Variants in BRSK1 observed in about 807,000 individuals in gnomAD.
The protein encoded by BRSK1 is BR serine/threonine kinase 1.
Under a neutral mutation model 86.2 loss-of-function variants are expected in BRSK1, and 17 were observed. The observed-to-expected ratio is 0.20, with a 90% CI of 0.14 to 0.30. The LOEUF (loss-of-function observed/expected upper bound fraction) is 0.30. Ranked by LOEUF, BRSK1 falls within the 10% of genes least tolerant of loss-of-function variation. The pLI, the probability that BRSK1 is intolerant of heterozygous loss-of-function variation, is 1.00. For synonymous variants in BRSK1, 464 were observed against 440.1 expected, an observed-to-expected ratio of 1.05 and a Z score of -0.68; for missense variants, 719 against 1,071.9, an observed-to-expected ratio of 0.67 and a Z score of 4.60.
intron 4 of BRSK1, 91 bp from the exon 5 acceptor site, chr19:55,293,926 A>G: frequency 8.8e-7 from 1 of 1,133,976 alleles, no homozygotes; most frequent in Non-Finnish European, 1.3e-6. Flanking sequence ...TCCAAAAAGT[A>G]TGCAGAAGTG....
Position 55,302,546 on chromosome 19 carries a change from G to A in BRSK1, c.858-151G>A. 9.9e-7 allele frequency: 1 copy of A among 1,014,796 alleles called. No homozygotes were observed. Among genetic ancestry groups the A allele is most frequent in the Non-Finnish European group, 1.4e-6 (1 of 691,318 alleles). 62.9% of individuals were successfully genotyped at this position (1,014,796 alleles called of 1,614,324 possible). A position where few individuals can be genotyped will look rare whatever the true frequency, so the allele number is the denominator to read the frequency against. On this transcript the variant is annotated intron_variant, in intron 9 of 18. Transcript: ENST00000309383. This position sits in a 1 kb window ranked among gnomAD's most constrained non-coding sequence, Gnocchi z 6.3. ...CTGGACTCCTGGGTCTGAGATGGGG[G>A]GCGAGGTCTGGGGCGTCTGGATTCC... is the stretch of plus-strand genomic sequence containing the variant.
chr19:55,312,040 T>C lies in BRSK1; in HGVS notation c.2309T>C (p.Leu770Pro). Residue 770 changes from leucine (L) to proline (P), a missense_variant, in exon 19 of 19, where the codon CTG becomes CCG. Physicochemically the swap from Leu to Pro is moderately conservative, Grantham distance 98. Around this residue, in one of 6 missense-constraint regions of BRSK1, gnomAD observed 82 missense variants for 72.6 expected, o/e 1.13. Coordinates refer to ENST00000309383, the MANE Select transcript of BRSK1 (RefSeq NM_032430.2). ...RRGPPKDKKLLATNGTPLP is the reference protein window; with the variant it reads ...RRGPPKDKKLPATNGTPLP ...GGCCCCCCCAAGGACAAGAAGCTCC[T>C]GGCCACCAACGGGACCCCTCTGCCC... The C allele has an allele frequency of 6.8e-6, 10 of 1,470,548 alleles. No homozygotes were observed. Among genetic ancestry groups the C allele is most frequent in the Non-Finnish European group, 9.0e-6 (10 of 1,107,592 alleles). The allele number at this position is 1,470,548 out of a possible 1,614,324, so 91.1% of individuals were successfully genotyped here.
chr19:55,287,870 C>T lies in BRSK1; in HGVS notation c.317+571C>T, dbSNP rs2088342369. ...ACTCCAGAGAATGGGCCTCTTTGTCCAAACTCTGGTGACCCAAAGGACAGC... is the reference window on the plus strand; with the variant it reads ...ACTCCAGAGAATGGGCCTCTTTGTCTAAACTCTGGTGACCCAAAGGACAGC... On this transcript the variant is annotated intron_variant, in intron 3 of 18. Transcript: ENST00000309383. This position sits in a 1 kb window ranked among gnomAD's most constrained non-coding sequence, Gnocchi z 5.3. The T allele has an allele frequency of 6.3e-6, 1 of 158,870 alleles. No homozygotes were observed. Among genetic ancestry groups the T allele is most frequent in the Non-Finnish European group, 1.4e-5 (1 of 71,214 alleles). 9.8% of individuals were successfully genotyped at this position (158,870 alleles called of 1,614,324 possible).
At chr19:55,289,672 G>C in intron 4 of BRSK1, 52 bp downstream of exon 4, 1 of 1,591,416 alleles carries the variant, frequency 6.3e-7, no homozygotes, top group South Asian at 1.1e-5. Flanking sequence ...CCAGCAGACA[G>C]GCCCTTGGGG....
In BRSK1 at chr19:55,287,327, C is replaced by T. The variant is rs1247883748; in HGVS notation, c.317+28C>T. On this transcript the variant is annotated intron_variant, in intron 3 of 18. Coordinates refer to ENST00000309383, the MANE Select transcript of BRSK1 (RefSeq NM_032430.2). This position sits in a 1 kb window ranked among gnomAD's most constrained non-coding sequence, Gnocchi z 5.3. The stretch of plus-strand genomic sequence containing the variant: ...AGGTATTTATAGACACCCAGCCCTA[C>T]CCCATCCTCCCTCTCCAGGTTACCA... 1 of 1,602,094 alleles carries T rather than the reference C, an allele frequency of 6.2e-7. No individual in the cohort carries two copies. Among genetic ancestry groups the T allele is most frequent in the South Asian group, 1.1e-5 (1 of 90,840 alleles).
chr19:55,300,061 T>A (rs1568985257), intron 7 of BRSK1, among the ~76,000 whole-genome samples: 1 of 152,280 alleles, frequency 6.6e-6, no homozygotes, highest in East Asian at 1.9e-4. Flanking sequence ...TCCTGTCCCC[T>A]CTGGAATGCA....
intron 7 of BRSK1, among the ~76,000 whole-genome samples, chr19:55,295,770 A>T (rs1600178497): frequency 6.6e-6 from 1 of 152,102 alleles, no homozygotes; most frequent in Admixed American, 6.6e-5. Context: ...GAAGTTTGAG[A>T]CCAGCCTGGC....
At chr19:55,301,725 G>C (rs1219350120) in intron 8 of BRSK1, 67 bp downstream of exon 8, 1 of 1,542,320 alleles carries the variant, frequency 6.5e-7, no homozygotes, top group African/African-American at 1.4e-5. Context: ...CCCTAGAAAA[G>C]TCATGGGGAT....
At position 55,302,619 on chromosome 19, in the gene BRSK1, C is replaced by A; in HGVS notation, c.858-78C>A. 1.3e-6 allele frequency: 2 copies of A among 1,519,630 alleles called. No homozygotes were observed. The highest frequency in any genetic ancestry group is 1.8e-6 in the Non-Finnish European group (2 of 1,124,004). 94.1% of individuals were successfully genotyped at this position (1,519,630 alleles called of 1,614,324 possible). A position where few individuals can be genotyped will look rare whatever the true frequency, so the allele number is the denominator to read the frequency against. On this transcript the variant is annotated intron_variant, in intron 9 of 18. Transcript: ENST00000309383. The surrounding 1 kb of genome is among the most constrained non-coding windows in gnomAD (Gnocchi z 6.3). The stretch of plus-strand genomic sequence containing the variant: ...GGGGCCTAGACTCGGATTTCGGGGT[C>A]CGGGATCATTGAGTCTAGAATGAAG...
intron 7 of BRSK1, among the ~76,000 whole-genome samples, chr19:55,295,413 C>T (rs1044492145): frequency 6.6e-6 from 1 of 152,128 alleles, no homozygotes. Flanking sequence ...GTGAGGCCAC[C>T]GAACCCAGCC....
chr19:55,284,517 C>CCCCCCCCCCCCCCA lies in BRSK1; in HGVS notation c.76_77insCCCCCCCCCCCCAC (p.Gln26ProfsTer45). ...TCCCCCACCCCCACCCCCACCCACC[C>CCCCCCCCCCCCCCA]CAGCACGCCCAATATGTGGGCCCCT... On this transcript the variant is annotated frameshift_variant, in exon 1 of 19. Coordinates refer to ENST00000309383, the MANE Select transcript of BRSK1 (RefSeq NM_032430.2). LOFTEE classifies it high-confidence loss of function. 7.4e-7 allele frequency: 1 copy of CCCCCCCCCCCCCCA among 1,347,486 alleles called. No individual in the cohort carries two copies. The highest frequency in any genetic ancestry group is 9.6e-7 in the Non-Finnish European group (1 of 1,038,290). The allele number at this position is 1,347,486 out of a possible 1,614,324, so 83.5% of individuals were successfully genotyped here.
Position 55,310,135 on chromosome 19 carries a change from TCAA to T in BRSK1, c.2179+1411_2179+1413del, listed in dbSNP as rs1354458361. Among the ~76,000 whole-genome samples, 1 of 152,144 alleles carries T rather than the reference TCAA, an allele frequency of 6.6e-6. No individual in the cohort carries two copies. The highest frequency in any genetic ancestry group is 6.5e-5 in the Admixed American group (1 of 15,278). Reference sequence around the variant, plus strand: ...CCGTGTTTGTTTTCTATGGCCGCCGTCAACAAATGACACAGCCTTGGTGGCTGA... The same window carrying T: ...CCGTGTTTGTTTTCTATGGCCGCCGTCAAATGACACAGCCTTGGTGGCTGA... On this transcript the variant is annotated intron_variant, in intron 18 of 18. Transcript: ENST00000309383. The surrounding 1 kb of genome is among the most constrained non-coding windows in gnomAD (Gnocchi z 5.0).
chr19:55,297,228 C>T (rs1480598498), intron 7 of BRSK1, among the ~76,000 whole-genome samples: 1 of 151,786 alleles, frequency 6.6e-6, no homozygotes, highest in Non-Finnish European at 1.5e-5. Context: ...AGGCATGTGC[C>T]ACCACGCCTG....
In BRSK1 at chr19:55,306,734, G is replaced by A. The variant is rs139384865; in HGVS notation, c.2089+284G>A. 2.7e-4 allele frequency among the ~76,000 whole-genome samples: 41 copies of A among 152,242 alleles called. No homozygotes were observed. Among genetic ancestry groups the A allele is most frequent in the Non-Finnish European group, 4.6e-4 (31 of 68,016 alleles). ...AGGTGTTAGTAATCACCCATTTTAC[G>A]GAGGAGAAAACTGAGTCATAGGGAG... On this transcript the variant is annotated intron_variant, in intron 17 of 18. Coordinates refer to ENST00000309383, the MANE Select transcript of BRSK1 (RefSeq NM_032430.2). The surrounding 1 kb of genome is among the most constrained non-coding windows in gnomAD (Gnocchi z 4.7).
chr19:55,291,857 C>G (rs982227492), intron 4 of BRSK1, among the ~76,000 whole-genome samples: 3 of 152,198 alleles, frequency 2.0e-5, no homozygotes, highest in Admixed American at 1.3e-4. Flanking sequence ...CTCCCAGGTT[C>G]GAGCGATTCT....
In BRSK1 at chr19:55,287,435, C is replaced by T; in HGVS notation, c.317+136C>T. 3.9e-6 allele frequency: 3 copies of T among 770,980 alleles called. No homozygotes were observed. In the Admixed American group the frequency reaches 6.9e-5, roughly 18 times the overall value. The allele number at this position is 770,980 out of a possible 1,614,324, so 47.8% of individuals were successfully genotyped here. On this transcript the variant is annotated intron_variant, in intron 3 of 18. Transcript: ENST00000309383. This position sits in a 1 kb window ranked among gnomAD's most constrained non-coding sequence, Gnocchi z 5.3. ...AGGCTGGACCGCTGAAGGCCCAGTTCCTTGCCTGTTGCACAGGGAAGCCCC... is the reference window on the plus strand; with the variant it reads ...AGGCTGGACCGCTGAAGGCCCAGTTTCTTGCCTGTTGCACAGGGAAGCCCC...
chr19:55,305,226 T>C, intron 14 of BRSK1, 95 bp from the exon 15 acceptor site: 1 of 1,515,438 alleles, frequency 6.6e-7, no homozygotes. Flanking sequence ...AACCCAAGGC[T>C]CTGGAACCCT....
At chr19:55,290,728 G>A (rs533208439) in intron 4 of BRSK1, among the ~76,000 whole-genome samples, 49 of 151,460 alleles carry the variant, frequency 3.2e-4, no homozygotes, top group African/African-American at 1.0e-3. Flanking sequence ...TGCAAGCTCC[G>A]CCTCCCGGGT....
chr19:55,310,917 G>A lies in BRSK1; in HGVS notation c.2180-994G>A, dbSNP rs1209858764. ...CATAAAGGAGAATGGGGTGGGGGGT[G>A]CAGGCCTCCGAGTCACCGTGGTTGC... On this transcript the variant is annotated intron_variant, in intron 18 of 18. Transcript: ENST00000309383. This position sits in a 1 kb window ranked among gnomAD's most constrained non-coding sequence, Gnocchi z 5.0. Among the ~76,000 whole-genome samples, 5 of 152,108 alleles carry A rather than the reference G, an allele frequency of 3.3e-5. No homozygotes were observed. The highest frequency in any genetic ancestry group is 2.0e-4 in the Admixed American group (3 of 15,270).
Sources: allele counts gnomAD v4.1 joint callset (sites outside exome capture counted in the v4.1 genomes callset), GRCh38; gene constraint gnomAD v4.1.1; regional missense constraint gnomAD v4.1.1; non-coding constraint Gnocchi (gnomAD v3.1); transcripts MANE v1.5; gene names NCBI Gene and HGNC (gene_info 2026-07-23, HGNC 2026-07-21).